The following SHISA9 variants were observed in gnomAD, a reference collection of about 807,000 sequenced individuals.
The protein encoded by SHISA9 is protein shisa-9.
In SHISA9, 13 loss-of-function variants were observed where a neutral mutation model predicts 38.0. The ratio of observed to expected loss-of-function variants is 0.34; its 90% CI spans 0.22 to 0.54. SHISA9 has a LOEUF of 0.54. Among genes scored for constraint, SHISA9 ranks in the 20% least tolerant of loss-of-function variants. The pLI is 0.91. For missense variants in SHISA9, 538 were observed against 575.8 expected, an observed-to-expected ratio of 0.93 and a Z score of 0.67; for synonymous variants, 275 against 242.0, an observed-to-expected ratio of 1.14 and a Z score of -1.27.
At chr16:12,992,599 A>G (rs989993808) in intron 2 of SHISA9, among the ~76,000 whole-genome samples, 2 of 152,086 alleles carry the variant, frequency 1.3e-5, no homozygotes, top group African/African-American at 2.4e-5. Context: ...AGGTCACAAG[A>G]TAAGAGCCAG....
intron 2 of SHISA9, among the ~76,000 whole-genome samples, chr16:12,923,952 C>T (rs924079841): frequency 1.3e-5 from 2 of 152,146 alleles, no homozygotes; most frequent in Non-Finnish European, 2.9e-5. Flanking sequence ...CTTTGTCTCA[C>T]AGTGAATATT....
the SHISA9 span, among the ~76,000 whole-genome samples, chr16:13,422,544 AAATTAGCT>A: frequency 6.6e-6 from 1 of 152,058 alleles, no homozygotes; most frequent in African/African-American, 2.4e-5. Flanking sequence ...AAAAATACAA[AAATTAGCT>A]GGGCATGGTG....
intron 4 of SHISA9, among the ~76,000 whole-genome samples, chr16:13,227,169 G>A (rs204032): frequency 0.78 from 119,260 of 152,098 alleles, 47,020 homozygotes; most frequent in Middle Eastern, 0.85. Flanking sequence ...ATTGTCTTTC[G>A]TATTTCAAGT....
At chr16:12,909,727 A>C (rs914768014) in intron 1 of SHISA9, 4 of 321,450 alleles carry the variant, frequency 1.2e-5, no homozygotes, top group African/African-American at 2.2e-5. Context: ...CCCATCACCC[A>C]GTCAGTGTTA....
the SHISA9 span, among the ~76,000 whole-genome samples, chr16:13,347,190 A>C: frequency 6.6e-6 from 1 of 152,188 alleles, no homozygotes; most frequent in African/African-American, 2.4e-5. Context: ...CCATTTCTGA[A>C]CACTTGCTCA....
chr16:13,341,856 C>G, the SHISA9 span, among the ~76,000 whole-genome samples: 390 of 152,322 alleles, frequency 2.6e-3, 2 homozygotes, highest in African/African-American at 8.7e-3. Context: ...GTATCTCAGT[C>G]TGCATGTCTC....
the SHISA9 span, among the ~76,000 whole-genome samples, chr16:13,313,262 A>AAAACAAC: frequency 1.4e-5 from 2 of 140,698 alleles, no homozygotes; most frequent in South Asian, 2.2e-4. Context: ...CTCAAAAAAA[A>AAAACAAC]AAAAAAAAAA....
intron 2 of SHISA9, among the ~76,000 whole-genome samples, chr16:12,994,571 T>C (rs2072434313): frequency 6.6e-6 from 1 of 152,204 alleles, no homozygotes; most frequent in Non-Finnish European, 1.5e-5. Context: ...TCAGCCTGCC[T>C]TCTGGAAATA....
intron 2 of SHISA9, among the ~76,000 whole-genome samples, chr16:13,081,141 C>T (rs1226528562): frequency 1.3e-5 from 2 of 152,188 alleles, no homozygotes; most frequent in African/African-American, 2.4e-5. Flanking sequence ...TTGGGGTTTT[C>T]AAAACCATTC....
the SHISA9 span, among the ~76,000 whole-genome samples, chr16:13,431,428 G>T: frequency 6.6e-6 from 1 of 152,192 alleles, no homozygotes; most frequent in African/African-American, 2.4e-5. Context: ...TCAAATATGT[G>T]ATGCTTTCTT....
At chr16:13,523,261 A>C in the SHISA9 span, among the ~76,000 whole-genome samples, 15 of 152,272 alleles carry the variant, frequency 9.9e-5, no homozygotes, top group Admixed American at 3.9e-4. Context: ...GAGGCATGAG[A>C]ATCACTTGAA....
chr16:13,098,222 G>C (rs574354006), intron 2 of SHISA9, among the ~76,000 whole-genome samples: 2 of 152,158 alleles, frequency 1.3e-5, no homozygotes, highest in African/African-American at 4.8e-5. Flanking sequence ...CCTCAGGCAA[G>C]CAACAACTTC....
intron 2 of SHISA9, among the ~76,000 whole-genome samples, chr16:13,137,435 C>A (rs751504595): frequency 6.6e-6 from 1 of 151,912 alleles, no homozygotes; most frequent in Non-Finnish European, 1.5e-5. Context: ...CGTTAGAGAG[C>A]CCATAACGGA....
the SHISA9 span, among the ~76,000 whole-genome samples, chr16:13,342,794 A>G: frequency 6.6e-6 from 1 of 152,116 alleles, no homozygotes. Context: ...CATCTACTCA[A>G]TGTTCTTGGC....
chr16:13,196,487 G>A (rs892532202), intron 2 of SHISA9, among the ~76,000 whole-genome samples: 1 of 152,010 alleles, frequency 6.6e-6, no homozygotes, highest in Non-Finnish European at 1.5e-5. Flanking sequence ...TCAAAACAGG[G>A]AAAGTCTGAG....
chr16:13,069,366 G>A (rs1410779269), intron 2 of SHISA9, among the ~76,000 whole-genome samples: 1 of 151,688 alleles, frequency 6.6e-6, no homozygotes, highest in Non-Finnish European at 1.5e-5. Flanking sequence ...ATGTGCATGT[G>A]TACGTGTGTG....
chr16:13,064,915 C>T (rs1318424730), intron 2 of SHISA9, among the ~76,000 whole-genome samples: 1 of 152,084 alleles, frequency 6.6e-6, no homozygotes, highest in African/African-American at 2.4e-5. Flanking sequence ...GGAGGGGCAG[C>T]CTCACTGAGG....
intron 2 of SHISA9, among the ~76,000 whole-genome samples, chr16:12,932,809 G>C (rs1041935848): frequency 6.6e-6 from 1 of 152,192 alleles, no homozygotes; most frequent in Non-Finnish European, 1.5e-5. Context: ...GACATGTCGT[G>C]GCTCCCTGCA....
chr16:13,475,335 C>CATATATATTTATACATATGTG, the SHISA9 span, among the ~76,000 whole-genome samples: 53 of 150,584 alleles, frequency 3.5e-4, no homozygotes, highest in African/African-American at 1.2e-3. Flanking sequence ...ATATATATCA[C>CATATATATTTATACATATGTG]ATATATATGT....
Sources: gnomAD v4.1 joint callset for allele counts (sites outside exome capture counted in the v4.1 genomes callset) on GRCh38, gnomAD v4.1.1 for gene constraint, MANE v1.5 for transcripts, NCBI Gene and HGNC (gene_info 2026-07-23, HGNC 2026-07-21) for gene names.